OSBP2: variants seen among roughly 807,000 people sequenced by gnomAD.
OSBP2 encodes the protein oxysterol binding protein 2, also known as oxysterol-binding protein 2.
OSBP2 carries 66 observed loss-of-function variants against 96.0 expected under a neutral mutation model. That is an observed-to-expected ratio of 0.69 (90% CI 0.56 to 0.84). The LOEUF (loss-of-function observed/expected upper bound fraction) is 0.84. Among genes scored for constraint, OSBP2 ranks in the 40% least tolerant of loss-of-function variants. OSBP2 has a pLI of 0.00. For synonymous variants in OSBP2, 525 were observed against 520.9 expected (o/e 1.01, Z -0.11); for missense variants, 1,038 against 1,222.7 (o/e 0.85, Z 2.25).
At chr22:30,746,485 C>CTTTTTT (rs34500140) in intron 2 of OSBP2, among the ~76,000 whole-genome samples, 10 of 101,540 alleles carry the variant, frequency 9.8e-5, no homozygotes, top group African/African-American at 2.0e-4. Flanking sequence ...GGATGAAACA[C>CTTTTTT]TTTTTTTTTT....
intron 2 of OSBP2, among the ~76,000 whole-genome samples, chr22:30,753,569 T>A (rs1394540167): frequency 6.6e-6 from 1 of 151,980 alleles, no homozygotes; most frequent in East Asian, 1.9e-4. Flanking sequence ...GCCAGGAAGG[T>A]GGTGGATGGG....
chr22:30,720,467 C>T (rs1471720989), intron 1 of OSBP2, among the ~76,000 whole-genome samples: 1 of 152,126 alleles, frequency 6.6e-6, no homozygotes, highest in Non-Finnish European at 1.5e-5. Flanking sequence ...CTCGAGTGTC[C>T]TCACAACATG....
chr22:30,873,745 T>A (rs1301369134), intron 3 of OSBP2, among the ~76,000 whole-genome samples: 5 of 152,242 alleles, frequency 3.3e-5, no homozygotes, highest in Non-Finnish European at 7.3e-5. Context: ...TGTTTTCCAC[T>A]TTGTGGGCTC....
chr22:30,791,260 C>A (rs1332154245), intron 2 of OSBP2, among the ~76,000 whole-genome samples: 1 of 151,586 alleles, frequency 6.6e-6, no homozygotes, highest in Non-Finnish European at 1.5e-5. Flanking sequence ...GTGTGAGCCA[C>A]CATGCCCAGC....
At chr22:30,811,637 C>A (rs953952969) in intron 2 of OSBP2, among the ~76,000 whole-genome samples, 9 of 151,936 alleles carry the variant, frequency 5.9e-5, no homozygotes, top group Admixed American at 3.9e-4. Context: ...TCACTGCAAC[C>A]TCTGCCTCCC....
intron 2 of OSBP2, among the ~76,000 whole-genome samples, chr22:30,863,721 T>C (rs2039272859): frequency 6.6e-6 from 1 of 152,274 alleles, no homozygotes; most frequent in African/African-American, 2.4e-5. Context: ...CTGTCTCCAT[T>C]AATCACACTG....
chr22:30,853,396 A>G (rs1295020351), intron 2 of OSBP2, among the ~76,000 whole-genome samples: 1 of 152,140 alleles, frequency 6.6e-6, no homozygotes, highest in Non-Finnish European at 1.5e-5. Flanking sequence ...TTGCTTTCTA[A>G]AGTTAAATCT....
intron 2 of OSBP2, among the ~76,000 whole-genome samples, chr22:30,779,237 A>C (rs1602251990): frequency 7.4e-6 from 1 of 135,870 alleles, no homozygotes; most frequent in African/African-American, 2.9e-5. Flanking sequence ...GCCCACAACC[A>C]CACCCAGCTA....
intron 3 of OSBP2, chr22:30,872,180 C>A (rs970588997): frequency 2.2e-6 from 1 of 453,992 alleles, no homozygotes; most frequent in Non-Finnish European, 4.4e-6. Context: ...TTTCCTACAT[C>A]CACCCTCTCA....
At chr22:30,902,375 G>A in intron 12 of OSBP2, 3 of 1,576,058 alleles carry the variant, frequency 1.9e-6, no homozygotes, top group Middle Eastern at 1.8e-4. Flanking sequence ...CGATGAAGTG[G>A]ATTCCCTTAA....
intron 1 of OSBP2, among the ~76,000 whole-genome samples, chr22:30,711,886 T>C (rs1476702827): frequency 6.6e-6 from 1 of 152,086 alleles, no homozygotes; most frequent in Non-Finnish European, 1.5e-5. Flanking sequence ...CATCATTATC[T>C]CAAAGCTGGT....
At chr22:30,785,746 A>T (rs2090579137) in intron 2 of OSBP2, among the ~76,000 whole-genome samples, 1 of 151,982 alleles carries the variant, frequency 6.6e-6, no homozygotes, top group African/African-American at 2.4e-5. Context: ...ATGGGGGCAG[A>T]TTTCCCCCCT....
rs1249732248 is a variant in OSBP2, at chr22:30,871,894, T to G, written c.1107+1212T>G. ...GGAGGGCCACCCCACCACCCACACC[T>G]GCCCAGATATGCTCAGGCTCAGGCC... On this transcript the variant is annotated intron_variant, in intron 3 of 13. Transcript: ENST00000332585. The surrounding 1 kb of genome is among the most constrained non-coding windows in gnomAD (Gnocchi z 4.7). Among the ~76,000 whole-genome samples the G allele has an allele frequency of 1.3e-5, 2 of 152,356 alleles. No homozygotes were observed. Among genetic ancestry groups the G allele is most frequent in the African/African-American group, 4.8e-5 (2 of 41,596 alleles).
At chr22:30,747,118 A>G (rs1433667054) in intron 2 of OSBP2, among the ~76,000 whole-genome samples, 1 of 152,204 alleles carries the variant, frequency 6.6e-6, no homozygotes, top group East Asian at 1.9e-4. Flanking sequence ...CAAATATTCA[A>G]CACCCTTTCA....
chr22:30,714,448 A>C (rs1184716647), intron 1 of OSBP2, among the ~76,000 whole-genome samples: 3 of 151,972 alleles, frequency 2.0e-5, no homozygotes, highest in African/African-American at 4.8e-5. Flanking sequence ...ATAACGTAAA[A>C]TTTACTATCT....
chr22:30,744,324 G>A (rs1255548646), intron 2 of OSBP2, among the ~76,000 whole-genome samples: 1 of 152,038 alleles, frequency 6.6e-6, no homozygotes, highest in Non-Finnish European at 1.5e-5. Flanking sequence ...GCTCTCCTTG[G>A]GCCTGGCTGA....
At chr22:30,823,240 G>A (rs2038322991) in intron 2 of OSBP2, among the ~76,000 whole-genome samples, 1 of 152,220 alleles carries the variant, frequency 6.6e-6, no homozygotes, top group Non-Finnish European at 1.5e-5. Context: ...GCCCTGGCCT[G>A]TGCAGGCTCA....
intron 1 of OSBP2, among the ~76,000 whole-genome samples, chr22:30,739,678 T>G (rs2089909452): frequency 6.6e-6 from 1 of 152,106 alleles, no homozygotes; most frequent in South Asian, 2.1e-4. Flanking sequence ...GGGTTCACCT[T>G]GCCTGCTGCC....
chr22:30,856,431 G>A (rs958684535), intron 2 of OSBP2, among the ~76,000 whole-genome samples: 1 of 133,582 alleles, frequency 7.5e-6, no homozygotes, highest in Admixed American at 8.7e-5. Context: ...CTGTAGCCCA[G>A]GTTGGAGTGC....
Sources: allele counts gnomAD v4.1 joint callset (sites outside exome capture counted in the v4.1 genomes callset), GRCh38; gene constraint gnomAD v4.1.1; non-coding constraint Gnocchi (gnomAD v3.1); transcripts MANE v1.5; gene names NCBI Gene and HGNC (gene_info 2026-07-23, HGNC 2026-07-21).